LAMC1: variants seen among roughly 807,000 people sequenced by gnomAD.
LAMC1 encodes laminin subunit gamma 1.
A neutral mutation model predicts 173.6 loss-of-function variants in LAMC1; 38 were observed. The observed-to-expected ratio is 0.22, with a 90% CI of 0.17 to 0.29. The LOEUF (loss-of-function observed/expected upper bound fraction) is 0.29, where lower values mean the gene tolerates loss of function less well. Ranked by LOEUF, LAMC1 falls within the 10% of genes least tolerant of loss-of-function variation. The pLI is 1.00. For synonymous variants in LAMC1, 746 were observed against 749.1 expected (o/e 1.00, Z 0.07); for missense variants, 1,824 against 2,051.8 (o/e 0.89, Z 2.14).
At chr1:183,112,254 A>C (rs1018894816) in intron 4 of LAMC1, among the ~76,000 whole-genome samples, 1 of 152,220 alleles carries the variant, frequency 6.6e-6, no homozygotes, top group South Asian at 2.1e-4. Flanking sequence ...TGTAATATTC[A>C]GTGTTGGAAG....
At position 183,108,432 on chromosome 1, in the gene LAMC1, G is replaced by C. The variant is rs779528495; in HGVS notation, c.854+26G>C. The C allele has an allele frequency of 3.1e-6, 5 of 1,602,104 alleles. No individual in the cohort carries two copies. The South Asian group carries it at 5.6e-5, about 18-fold the overall frequency. On this transcript the variant is annotated intron_variant, in intron 3 of 27. Coordinates refer to ENST00000258341, the MANE Select transcript of LAMC1 (RefSeq NM_002293.4). ...GTAAGTAAACTATTAAATTAGTCTT[G>C]AAAGTGTTTGGAGCTTTTGCATAGA... is the stretch of plus-strand genomic sequence containing the variant.
chr1:183,131,444 T>TGA lies in LAMC1; in HGVS notation c.3566+67_3566+68insAG, dbSNP rs1656787332. ...CTGTTATGGGGTGTGTGTGTGTGTGTGTGTGTGTGTGTGTGTATTGTCTTA... is the reference window on the plus strand; with the variant it reads ...CTGTTATGGGGTGTGTGTGTGTGTGTGAGTGTGTGTGTGTGTGTATTGTCTTA... On this transcript the variant is annotated intron_variant, in intron 20 of 27. Transcript: ENST00000258341. 2.9e-6 allele frequency: 3 copies of TGA among 1,028,532 alleles called. No individual in the cohort carries two copies. In the East Asian group the frequency reaches 7.2e-5, roughly 25 times the overall value. The allele number at this position is 1,028,532 out of a possible 1,614,324, so 63.7% of individuals were successfully genotyped here.
intron 1 of LAMC1, among the ~76,000 whole-genome samples, chr1:183,084,268 G>A (rs1655365536): frequency 1.3e-5 from 2 of 152,006 alleles, no homozygotes; most frequent in South Asian, 2.1e-4. Flanking sequence ...GCGTGAACCC[G>A]GGAGGCGGAG....
In LAMC1 at chr1:183,143,115, T is replaced by C; in HGVS notation, c.*325T>C. On this transcript the variant is annotated 3_prime_UTR_variant, in exon 28 of 28. Coordinates refer to ENST00000258341, the MANE Select transcript of LAMC1 (RefSeq NM_002293.4). ...GCACATCGTGTGAGCCCATGTATGC[T>C]GGGGTAGAGCAAGTAGCCCTCCCCT... 1 of 226,354 alleles carries C rather than the reference T, an allele frequency of 4.4e-6. No individual in the cohort carries two copies. Among genetic ancestry groups the C allele is most frequent in the Non-Finnish European group, 8.8e-6 (1 of 113,134 alleles). The allele number at this position is 226,354 out of a possible 1,614,324, so 14.0% of individuals were successfully genotyped here.
intron 1 of LAMC1, among the ~76,000 whole-genome samples, chr1:183,033,188 C>T (rs1478546462): frequency 6.6e-6 from 1 of 152,168 alleles, no homozygotes; most frequent in Admixed American, 6.5e-5. Flanking sequence ...CCAGAAGTTG[C>T]TGGCATTAAT....
intron 1 of LAMC1, among the ~76,000 whole-genome samples, chr1:183,081,867 G>A (rs1655285609): frequency 6.6e-6 from 1 of 152,088 alleles, no homozygotes; most frequent in African/African-American, 2.4e-5. Flanking sequence ...ATTCAAAATA[G>A]TTTCACTGCC....
At chr1:183,077,795 T>C (rs987660363) in intron 1 of LAMC1, among the ~76,000 whole-genome samples, 7 of 147,230 alleles carry the variant, frequency 4.8e-5, no homozygotes, top group Non-Finnish European at 1.1e-4. Context: ...TATATATATA[T>C]ACAGTAGCAC....
chr1:183,116,231 C>T (rs1269865681), intron 6 of LAMC1, among the ~76,000 whole-genome samples: 2 of 152,078 alleles, frequency 1.3e-5, no homozygotes, highest in Non-Finnish European at 2.9e-5. Flanking sequence ...GTAATCCCAG[C>T]ACTTTGGGAA....
At chr1:183,116,932 TA>T (rs1208482652) in intron 8 of LAMC1, 29 bp downstream of exon 8, 2 of 1,586,658 alleles carry the variant, frequency 1.3e-6, no homozygotes, top group Admixed American at 3.5e-5. Context: ...CCCAACCTGT[TA>T]GAACTGTGAG....
intron 11 of LAMC1, among the ~76,000 whole-genome samples, chr1:183,120,084 G>A (rs1656428958): frequency 6.8e-6 from 1 of 146,112 alleles, no homozygotes; most frequent in Non-Finnish European, 1.5e-5. Context: ...GCAGGAGGAT[G>A]CATGAACCCA....
intron 22 of LAMC1, among the ~76,000 whole-genome samples, chr1:183,133,992 G>A (rs2102107784): frequency 6.6e-6 from 1 of 152,250 alleles, no homozygotes; most frequent in East Asian, 1.9e-4. Context: ...TTACTCCCAG[G>A]CTCTGTCTAG....
intron 1 of LAMC1, among the ~76,000 whole-genome samples, chr1:183,090,876 T>C (rs1655548333): frequency 6.6e-6 from 1 of 152,144 alleles, no homozygotes; most frequent in Non-Finnish European, 1.5e-5. Flanking sequence ...TCCAAGAGTG[T>C]TGTTTTCCTT....
intron 1 of LAMC1, among the ~76,000 whole-genome samples, chr1:183,034,777 A>G (rs915589358): frequency 1.3e-5 from 2 of 152,214 alleles, no homozygotes; most frequent in African/African-American, 4.8e-5. Context: ...TCATGGAGCA[A>G]TGAGGACGTG....
chr1:183,139,450 AG>A (rs1553258967), intron 26 of LAMC1, among the ~76,000 whole-genome samples: 1 of 152,226 alleles, frequency 6.6e-6, no homozygotes, highest in Non-Finnish European at 1.5e-5. Flanking sequence ...CGGCCCTGGC[AG>A]GGTCCTTTCT....
Position 183,110,550 on chromosome 1 carries a change from A to G in LAMC1, c.917A>G (p.Asn306Ser). 1.2e-6 allele frequency: 2 copies of G among 1,613,984 alleles called. No homozygotes were observed. The highest frequency in any genetic ancestry group is 1.7e-6 in the Non-Finnish European group (2 of 1,179,908). The change falls in exon 4 of 28, where the codon AAT (asparagine) becomes AGT (serine). Residue 306 changes from asparagine (N) to serine (S), a missense_variant. Coordinates refer to ENST00000258341, the MANE Select transcript of LAMC1 (RefSeq NM_002293.4). ...MKNEFDKLVC[N>S]CKHNTYGVDC... Reference sequence around the variant, plus strand: ...AACGAATTTGATAAGCTGGTGTGTAATTGCAAACATAACACATATGGAGTA... The same window carrying G: ...AACGAATTTGATAAGCTGGTGTGTAGTTGCAAACATAACACATATGGAGTA...
At chr1:183,071,013 C>A (rs1051699490) in intron 1 of LAMC1, among the ~76,000 whole-genome samples, 6 of 151,922 alleles carry the variant, frequency 3.9e-5, no homozygotes, top group Non-Finnish European at 7.4e-5. Context: ...TGTCGCTATA[C>A]AAAGTAACAT....
At position 183,132,292 on chromosome 1, in the gene LAMC1, A is replaced by AAAT. The variant is rs57729826; in HGVS notation, c.3567-81_3567-79dup. On this transcript the variant is annotated intron_variant, in intron 20 of 27. Coordinates refer to ENST00000258341, the MANE Select transcript of LAMC1 (RefSeq NM_002293.4). ...GGGTGACAGAGCGAGACTCCATTTC[A>AAAT]AATAATAATAATAATAATAATAATA... The AAAT allele has an allele frequency of 1.3e-3, 898 of 676,994 alleles. 1 individual carries two copies. The highest frequency in any genetic ancestry group is 4.4e-3 in the African/African-American group (225 of 51,120). 41.9% of individuals were successfully genotyped at this position (676,994 alleles called of 1,614,324 possible).
intron 1 of LAMC1, among the ~76,000 whole-genome samples, chr1:183,059,275 C>T (rs2102030265): frequency 6.6e-6 from 1 of 152,314 alleles, no homozygotes; most frequent in South Asian, 2.1e-4. Flanking sequence ...GAGAGATGTT[C>T]TGAATACATA....
At position 183,140,431 on chromosome 1, in the gene LAMC1, A is replaced by T; in HGVS notation, c.4501A>T (p.Ile1501Phe). ...MASQAAQEAEINARKAKNSVT... is the reference protein window; with the variant it reads ...MASQAAQEAEFNARKAKNSVT... ...TTCACAGGCTGCTCAAGAAGCCGAG[A>T]TCAATGCCAGAAAAGCCAAAAACTC... is the stretch of plus-strand genomic sequence containing the variant. Residue 1501 changes from isoleucine (I) to phenylalanine (F), a missense_variant, in exon 27 of 28, where the codon ATC becomes TTC. Ile to Phe is a conservative substitution (Grantham distance 21). Transcript: ENST00000258341. The T allele has an allele frequency of 6.2e-7, 1 of 1,613,614 alleles. No individual in the cohort carries two copies.
Sources: allele counts gnomAD v4.1 joint callset (sites outside exome capture counted in the v4.1 genomes callset), GRCh38; gene constraint gnomAD v4.1.1; transcripts MANE v1.5; gene names NCBI Gene and HGNC (gene_info 2026-07-23, HGNC 2026-07-21).